The following CASZ1 variants were observed in gnomAD, a reference collection of about 807,000 sequenced individuals.
CASZ1 encodes castor zinc finger 1, also known as zinc finger protein castor homolog 1.
CASZ1 carries 28 observed loss-of-function variants against 135.2 expected under a neutral mutation model. The observed-to-expected ratio is 0.21, with a 90% CI of 0.15 to 0.28. CASZ1 has a LOEUF of 0.28. CASZ1 is among the 10% of genes least tolerant of loss of function. The pLI, the probability that CASZ1 is intolerant of heterozygous loss-of-function variation, is 1.00. For synonymous variants in CASZ1, 1,068 were observed against 1,073.4 expected (o/e 0.99, Z 0.10); for missense variants, 2,161 against 2,453.3 (o/e 0.88, Z 2.52).
intron 5 of CASZ1, chr1:10,661,386 C>T (rs1643017365): frequency 6.6e-6 from 1 of 151,166 alleles, no homozygotes; most frequent in South Asian, 2.1e-4. Context: ...CACACATTCT[C>T]ACATATCAAC....
chr1:10,725,302 G>C lies in CASZ1; in HGVS notation c.-76-19758C>G, dbSNP rs557720785. Among the ~76,000 whole-genome samples, 1 of 152,358 alleles carries C rather than the reference G, an allele frequency of 6.6e-6. No individual in the cohort carries two copies. Among genetic ancestry groups the C allele is most frequent in the South Asian group, 2.1e-4 (1 of 4,832 alleles). ...CCACCGTGCCAATGCCAACACCGTGGCCGCCTCCCGCTGCATGCGTGTGGC... is the reference window on the plus strand; with the variant it reads ...CCACCGTGCCAATGCCAACACCGTGCCCGCCTCCCGCTGCATGCGTGTGGC... On this transcript the variant is annotated intron_variant, in intron 2 of 20. Coordinates refer to ENST00000377022, the MANE Select transcript of CASZ1 (RefSeq NM_001079843.3). The surrounding 1 kb of genome is among the most constrained non-coding windows in gnomAD (Gnocchi z 4.4).
intron 2 of CASZ1, among the ~76,000 whole-genome samples, chr1:10,738,159 G>A (rs777888011): frequency 6.6e-6 from 1 of 152,212 alleles, no homozygotes; most frequent in Admixed American, 6.5e-5. Context: ...ATAAAACAAG[G>A]AGAGTGACAG....
chr1:10,782,737 C>T (rs77657809), intron 1 of CASZ1, among the ~76,000 whole-genome samples: 2,292 of 144,710 alleles, frequency 0.016, 46 homozygotes, highest in African/African-American at 0.053. Flanking sequence ...GCCACTGAGG[C>T]GGGAAGGGGA....
At position 10,639,086 on chromosome 1, in the gene CASZ1, GTCGTCGTCGTCC is replaced by G. The variant is rs770782033; in HGVS notation, c.5124_5135del (p.Glu1708_Asp1711del). ...CCTCCGAGTCGGTGCGCAGGTCCTC[GTCGTCGTCGTCC>G]TCGTCGTCGTCCTCGTCGTCGTCGT... On this transcript the variant is annotated inframe_deletion, in exon 21 of 21. Coordinates refer to ENST00000377022, the MANE Select transcript of CASZ1 (RefSeq NM_001079843.3). This position sits in a 1 kb window ranked among gnomAD's most constrained non-coding sequence, Gnocchi z 4.0. 6.9e-3 allele frequency: 7,191 copies of G among 1,048,700 alleles called. 25 individuals carry two copies. The highest frequency in any genetic ancestry group is 7.6e-3 in the Non-Finnish European group (6,393 of 841,432). The allele number at this position is 1,048,700 out of a possible 1,614,324, so 65.0% of individuals were successfully genotyped here.
Position 10,697,505 on chromosome 1 carries a change from G to A in CASZ1, c.-23-3593C>T, listed in dbSNP as rs537825958. ...AAAAAGAAGTGGAAGGCAACCCAGC[G>A]GTTCCCCCCAACCCAGGCTCCCCAC... On this transcript the variant is annotated intron_variant, in intron 3 of 20. Coordinates refer to ENST00000377022, the MANE Select transcript of CASZ1 (RefSeq NM_001079843.3). The surrounding 1 kb of genome is among the most constrained non-coding windows in gnomAD (Gnocchi z 4.7). Among the ~76,000 whole-genome samples, 3 of 152,122 alleles carry A rather than the reference G, an allele frequency of 2.0e-5. No homozygotes were observed. The highest frequency in any genetic ancestry group is 4.8e-5 in the African/African-American group (2 of 41,486).
At position 10,639,139 on chromosome 1, in the gene CASZ1, C is replaced by G; in HGVS notation, c.5083G>C (p.Glu1695Gln). 2 of 1,115,328 alleles carry G rather than the reference C, an allele frequency of 1.8e-6. No homozygotes were observed. The highest frequency in any genetic ancestry group is 1.1e-6 in the Non-Finnish European group (1 of 898,242). The allele number at this position is 1,115,328 out of a possible 1,614,324, so 69.1% of individuals were successfully genotyped here. A position where few individuals can be genotyped will look rare whatever the true frequency, so the allele number is the denominator to read the frequency against. ...PEEEAEDDED[E>Q]DDDEDDDDED... ...TCGTCGTCGTCCTCGTCGTCGTCCT[C>G]GTCCTCGTCGTCTTCGGCCTCCTCC... Residue 1695 changes from glutamate (E) to glutamine (Q), a missense_variant, in exon 21 of 21, where the codon GAG (glutamate) becomes CAG (glutamine). Physicochemically the swap from Glu to Gln is conservative, Grantham distance 29 (BLOSUM62 2). Transcript: ENST00000377022. This position sits in a 1 kb window ranked among gnomAD's most constrained non-coding sequence, Gnocchi z 4.0.
intron 2 of CASZ1, among the ~76,000 whole-genome samples, chr1:10,746,586 G>T (rs1640045705): frequency 6.6e-6 from 1 of 152,172 alleles, no homozygotes; most frequent in Non-Finnish European, 1.5e-5. Context: ...AAAAAGGCTG[G>T]CAATGCCTAC....
chr1:10,750,676 G>A (rs907869548), intron 2 of CASZ1, among the ~76,000 whole-genome samples: 2 of 152,088 alleles, frequency 1.3e-5, no homozygotes, highest in African/African-American at 4.8e-5. Flanking sequence ...GACGCAGGTG[G>A]ATCACATGAG....
intron 1 of CASZ1, among the ~76,000 whole-genome samples, chr1:10,790,505 G>A (rs973460436): frequency 3.3e-5 from 5 of 152,250 alleles, no homozygotes; most frequent in African/African-American, 2.4e-5. Context: ...AAGAGGTTAC[G>A]GGCTCAATTA....
At chr1:10,683,692 G>C (rs284261) in intron 4 of CASZ1, among the ~76,000 whole-genome samples, 1 of 152,054 alleles carries the variant, frequency 6.6e-6, no homozygotes, top group Admixed American at 6.5e-5. Context: ...GTCGGAGTGC[G>C]TTCCACCCAC....
In CASZ1 at chr1:10,654,402, A is replaced by G. The variant is rs780157061; in HGVS notation, c.1838+17T>C. ...CCCGCTTCTGCCCACGAAGGCCCCC[A>G]CCAGGCTCCCGCTTACCTGCAGTGG... On this transcript the variant is annotated intron_variant, in intron 10 of 20. Transcript: ENST00000377022. The G allele has an allele frequency of 1.2e-6, 2 of 1,610,424 alleles. No individual in the cohort carries two copies. The highest frequency in any genetic ancestry group is 2.2e-5 in the South Asian group (2 of 90,768).
At position 10,725,891 on chromosome 1, in the gene CASZ1, G is replaced by T. The variant is rs1354219769; in HGVS notation, c.-76-20347C>A. Among the ~76,000 whole-genome samples the T allele has an allele frequency of 6.6e-6, 1 of 152,166 alleles. No homozygotes were observed. Among genetic ancestry groups the T allele is most frequent in the East Asian group, 1.9e-4 (1 of 5,200 alleles). On this transcript the variant is annotated intron_variant, in intron 2 of 20. Coordinates refer to ENST00000377022, the MANE Select transcript of CASZ1 (RefSeq NM_001079843.3). This position sits in a 1 kb window ranked among gnomAD's most constrained non-coding sequence, Gnocchi z 4.4. ...GCCAGAGGGCCTGCCGAATGTTCTAGAAGGATGGGCCGGACTTAGGAGGGG... is the reference window on the plus strand; with the variant it reads ...GCCAGAGGGCCTGCCGAATGTTCTATAAGGATGGGCCGGACTTAGGAGGGG...
chr1:10,655,152 C>T (rs1642745183), intron 9 of CASZ1, among the ~76,000 whole-genome samples: 1 of 152,128 alleles, frequency 6.6e-6, no homozygotes, highest in South Asian at 2.1e-4. Context: ...CAGAGGGTGG[C>T]CCCCCTCTCC....
At position 10,660,318 on chromosome 1, in the gene CASZ1, A is replaced by G; in HGVS notation, c.724T>C (p.Tyr242His). The G allele has an allele frequency of 1.9e-6, 3 of 1,613,732 alleles. No individual in the cohort carries two copies. The highest frequency in any genetic ancestry group is 2.5e-6 in the Non-Finnish European group (3 of 1,179,918). Residue 242 changes from tyrosine (Y) to histidine (H), a missense_variant, in exon 6 of 21, where the codon TAC becomes CAC. By Grantham distance (83) the Tyr-to-His change is moderately conservative (BLOSUM62 2). Transcript: ENST00000377022. ...KRARFSKYEE[Y>H]IRKLKAGEQL... ...TCGCCAGCCTTGAGCTTGCGGATGTACTCCTCATACTTAGAGAACCGCGCC... is the reference window on the plus strand; with the variant it reads ...TCGCCAGCCTTGAGCTTGCGGATGTGCTCCTCATACTTAGAGAACCGCGCC...
At chr1:10,660,978 A>C in intron 5 of CASZ1, 2 of 155,146 alleles carry the variant, frequency 1.3e-5, no homozygotes, top group Non-Finnish European at 1.3e-5. Flanking sequence ...GCTGGGTGGG[A>C]GCCCAGGGGT....
intron 2 of CASZ1, among the ~76,000 whole-genome samples, chr1:10,714,573 C>T (rs567054182): frequency 2.6e-5 from 4 of 152,316 alleles, no homozygotes; most frequent in East Asian, 1.9e-4. Context: ...CTGGGCTGGC[C>T]GTGCTTTCAC....
chr1:10,641,635 G>A (rs984288334), intron 20 of CASZ1, among the ~76,000 whole-genome samples: 7 of 152,316 alleles, frequency 4.6e-5, no homozygotes, highest in East Asian at 3.9e-4. Flanking sequence ...AGACCTTCCC[G>A]AAAGCCTCCT....
In CASZ1 at chr1:10,707,246, C is replaced by T. The variant is rs1049943967; in HGVS notation, c.-76-1702G>A. 6.6e-6 allele frequency among the ~76,000 whole-genome samples: 1 copy of T among 152,186 alleles called. No individual in the cohort carries two copies. Among genetic ancestry groups the T allele is most frequent in the Non-Finnish European group, 1.5e-5 (1 of 68,036 alleles). On this transcript the variant is annotated intron_variant, in intron 2 of 20. Coordinates refer to ENST00000377022, the MANE Select transcript of CASZ1 (RefSeq NM_001079843.3). The surrounding 1 kb of genome is among the most constrained non-coding windows in gnomAD (Gnocchi z 5.0). ...CACCTTTCTCTCCCCTCCCATCCTC[C>T]CTGGCAACTGTGCATTTATTAATTC...
chr1:10,752,290 T>A (rs1427460437), intron 2 of CASZ1, among the ~76,000 whole-genome samples: 2 of 152,240 alleles, frequency 1.3e-5, no homozygotes, highest in Non-Finnish European at 2.9e-5. Context: ...TCAGAACAGA[T>A]GCCCTTAGCG....
Sources: allele counts gnomAD v4.1 joint callset (sites outside exome capture counted in the v4.1 genomes callset), GRCh38; gene constraint gnomAD v4.1.1; non-coding constraint Gnocchi (gnomAD v3.1); transcripts MANE v1.5; gene names NCBI Gene and HGNC (gene_info 2026-07-23, HGNC 2026-07-21).